Variants in SDCCAG8 observed in about 807,000 individuals in gnomAD.
SDCCAG8 encodes the protein serologically defined colon cancer antigen 8.
In SDCCAG8, 74 loss-of-function variants were observed where a neutral mutation model predicts 101.8. The ratio of observed to expected loss-of-function variants is 0.73; its 90% CI spans 0.60 to 0.88. The LOEUF is 0.88. Ranked by LOEUF, SDCCAG8 falls within the 40% of genes least tolerant of loss-of-function variation. The probability of loss-of-function intolerance (pLI) is 0.00; values close to 1 mark genes in which losing one functional copy is unlikely to be tolerated. For synonymous variants in SDCCAG8, 281 were observed against 292.9 expected, an observed-to-expected ratio of 0.96 and a Z score of 0.41; for missense variants, 787 against 822.6, an observed-to-expected ratio of 0.96 and a Z score of 0.53.
chr1:243,358,477 T>C (rs1199026721), intron 12 of SDCCAG8, among the ~76,000 whole-genome samples: 1 of 152,152 alleles, frequency 6.6e-6, no homozygotes, highest in Admixed American at 6.5e-5. Context: ...TCGGTGAGGA[T>C]GTAGAGAAAC....
chr1:243,258,510 C>T (rs555920139), intron 1 of SDCCAG8, among the ~76,000 whole-genome samples: 84 of 152,252 alleles, frequency 5.5e-4, no homozygotes, highest in African/African-American at 1.6e-3. Flanking sequence ...ATTCAAGCAA[C>T]TCTCCAGCCT....
chr1:243,257,853 A>C (rs958006062), intron 1 of SDCCAG8, among the ~76,000 whole-genome samples: 1 of 152,212 alleles, frequency 6.6e-6, no homozygotes, highest in African/African-American at 2.4e-5. Flanking sequence ...AGTAATTGTA[A>C]TTTTTAAGAT....
intron 8 of SDCCAG8, among the ~76,000 whole-genome samples, chr1:243,310,162 C>T (rs912429007): frequency 4.0e-5 from 6 of 151,526 alleles, no homozygotes; most frequent in Non-Finnish European, 7.4e-5. Flanking sequence ...ACGCCCGGCC[C>T]GACTGGTAGT....
At position 243,458,045 on chromosome 1, in the gene SDCCAG8, G is replaced by A. The variant is rs1234432500; in HGVS notation, c.1986-30969G>A. On this transcript the variant is annotated intron_variant, in intron 16 of 17. Coordinates refer to ENST00000366541, the MANE Select transcript of SDCCAG8 (RefSeq NM_006642.5). The surrounding 1 kb of genome is among the most constrained non-coding windows in gnomAD (Gnocchi z 4.5). Reference sequence around the variant, plus strand: ...ATAGAGGTCCTGCAGAAACCTTCAGGACCCATCCCAAAATGACGAAGACAC... The same window carrying A: ...ATAGAGGTCCTGCAGAAACCTTCAGAACCCATCCCAAAATGACGAAGACAC... 6.6e-6 allele frequency among the ~76,000 whole-genome samples: 1 copy of A among 152,160 alleles called. No homozygotes were observed. Among genetic ancestry groups the A allele is most frequent in the African/African-American group, 2.4e-5 (1 of 41,430 alleles).
chr1:243,298,813 T>G (rs2071220046), intron 6 of SDCCAG8, among the ~76,000 whole-genome samples: 1 of 152,200 alleles, frequency 6.6e-6, no homozygotes, highest in Non-Finnish European at 1.5e-5. Context: ...CTGGACTGTG[T>G]TTTAGTTAAT....
In SDCCAG8 at chr1:243,344,289, G is replaced by A. The variant is rs2075567359; in HGVS notation, c.1431G>A (p.Glu477=). The change falls in exon 12 of 18, where the codon GAG becomes GAA. Residue 477 remains glutamate (E), a synonymous_variant. Coordinates refer to ENST00000366541, the MANE Select transcript of SDCCAG8 (RefSeq NM_006642.5). ...EKDEAEKEHR[E]FRAKTNRDLE... ...ATGAGGCAGAAAAGGAGCACAGAGA[G>A]TTCAGAGCAAAAACTAACAGGGATC... 1 of 1,613,904 alleles carries A rather than the reference G, an allele frequency of 6.2e-7. No homozygotes were observed. Among genetic ancestry groups the A allele is most frequent in the African/African-American group, 1.3e-5 (1 of 74,922 alleles).
intron 9 of SDCCAG8, among the ~76,000 whole-genome samples, chr1:243,322,270 G>A (rs1290807795): frequency 1.3e-5 from 2 of 152,188 alleles, no homozygotes; most frequent in Non-Finnish European, 2.9e-5. Flanking sequence ...GCAAGATCAG[G>A]AAGATTGGTT....
At chr1:243,326,178 A>G (rs2074137572) in intron 9 of SDCCAG8, among the ~76,000 whole-genome samples, 1 of 152,166 alleles carries the variant, frequency 6.6e-6, no homozygotes, top group African/African-American at 2.4e-5. Flanking sequence ...ATTTGCTAAG[A>G]CCTATCCTGC....
chr1:243,386,790 A>AG (rs1491502533), intron 13 of SDCCAG8, among the ~76,000 whole-genome samples: 22 of 151,990 alleles, frequency 1.4e-4, no homozygotes, highest in African/African-American at 5.1e-4. Flanking sequence ...AGAGAGAGAG[A>AG]AAGAAAGAAA....
In SDCCAG8 at chr1:243,464,895, G is replaced by A. The variant is rs544277550; in HGVS notation, c.1986-24119G>A. Reference sequence around the variant, plus strand: ...ACATGTCACAGGTGATTACAGACTTGAGTATTCTTCTGTGTGTTGTTTTTC... The same window carrying A: ...ACATGTCACAGGTGATTACAGACTTAAGTATTCTTCTGTGTGTTGTTTTTC... On this transcript the variant is annotated intron_variant, in intron 16 of 17. Coordinates refer to ENST00000366541, the MANE Select transcript of SDCCAG8 (RefSeq NM_006642.5). 3.3e-5 allele frequency among the ~76,000 whole-genome samples: 5 copies of A among 152,312 alleles called. 1 individual carries two copies. Among genetic ancestry groups the A allele is most frequent in the African/African-American group, 1.2e-4 (5 of 41,570 alleles).
At chr1:243,407,182 G>A (rs1048475856) in intron 13 of SDCCAG8, among the ~76,000 whole-genome samples, 4 of 152,152 alleles carry the variant, frequency 2.6e-5, no homozygotes, top group Admixed American at 6.6e-5. Flanking sequence ...GAATGGATGC[G>A]CAATCCACTG....
chr1:243,399,748 C>G (rs998506562), intron 13 of SDCCAG8, among the ~76,000 whole-genome samples: 1 of 152,098 alleles, frequency 6.6e-6, no homozygotes. Context: ...TAGGCTCAAG[C>G]GATCACCTGC....
chr1:243,321,593 G>T (rs767936430), intron 9 of SDCCAG8, among the ~76,000 whole-genome samples: 1 of 152,112 alleles, frequency 6.6e-6, no homozygotes, highest in Non-Finnish European at 1.5e-5. Flanking sequence ...ACATTCCCTG[G>T]TGTATATGTA....
At chr1:243,370,606 T>G (rs1334837701) in intron 12 of SDCCAG8, among the ~76,000 whole-genome samples, 1 of 152,102 alleles carries the variant, frequency 6.6e-6, no homozygotes, top group East Asian at 1.9e-4. Flanking sequence ...ACAGTCAGCT[T>G]TATATCAGAT....
At chr1:243,277,267 A>T (rs552612683) in intron 4 of SDCCAG8, among the ~76,000 whole-genome samples, 1 of 152,304 alleles carries the variant, frequency 6.6e-6, no homozygotes, top group South Asian at 2.1e-4. Context: ...TTATGCAGTA[A>T]ATGAGAGTTC....
chr1:243,347,527 T>G (rs1191429285), intron 12 of SDCCAG8, among the ~76,000 whole-genome samples: 1 of 152,224 alleles, frequency 6.6e-6, no homozygotes, highest in Non-Finnish European at 1.5e-5. Flanking sequence ...CTGTTAAATT[T>G]TGTACATAAT....
chr1:243,423,363 T>A lies in SDCCAG8; in HGVS notation c.1854-3064T>A, dbSNP rs1226487577. Among the ~76,000 whole-genome samples the A allele has an allele frequency of 2.0e-5, 3 of 152,140 alleles. No homozygotes were observed. The East Asian group carries it at 5.8e-4, about 29-fold the overall frequency. On this transcript the variant is annotated intron_variant, in intron 15 of 17. Transcript: ENST00000366541. ...TATATTTCCCTTCAGTCATTTTTCA[T>A]GTGTATGTCTGTGTACATTTATAGT...
At chr1:243,399,002 C>A (rs2079199276) in intron 13 of SDCCAG8, among the ~76,000 whole-genome samples, 1 of 152,208 alleles carries the variant, frequency 6.6e-6, no homozygotes, top group Non-Finnish European at 1.5e-5. Context: ...TGATCCTTTT[C>A]CACAAGTATC....
chr1:243,454,742 T>A (rs527426641), intron 16 of SDCCAG8, among the ~76,000 whole-genome samples: 10 of 152,324 alleles, frequency 6.6e-5, no homozygotes, highest in African/African-American at 2.4e-4. Flanking sequence ...ATCTTCTGTT[T>A]GTCCCTGTTA....
Sources: gnomAD v4.1 joint callset for allele counts (sites outside exome capture counted in the v4.1 genomes callset) on GRCh38, gnomAD v4.1.1 for gene constraint, Gnocchi (gnomAD v3.1) non-coding constraint, MANE v1.5 for transcripts, NCBI Gene and HGNC (gene_info 2026-07-23, HGNC 2026-07-21) for gene names.